Variants in FTO observed in about 807,000 individuals in gnomAD.
The protein encoded by FTO is FTO alpha-ketoglutarate dependent dioxygenase, also known as alpha-ketoglutarate-dependent dioxygenase FTO.
A neutral mutation model predicts 63.9 loss-of-function variants in FTO; 47 were observed. That is an observed-to-expected ratio of 0.74 (90% CI 0.58 to 0.94). FTO has a LOEUF of 0.94. Ranked by LOEUF, FTO falls within the 40% of genes least tolerant of loss-of-function variation. FTO has a pLI of 0.00. For synonymous variants in FTO, 207 were observed against 224.4 expected (o/e 0.92, Z 0.69); for missense variants, 562 against 618.1 (o/e 0.91, Z 0.96).
chr16:53,868,255 T>C (rs2080388085), intron 4 of FTO, among the ~76,000 whole-genome samples: 1 of 152,174 alleles, frequency 6.6e-6, no homozygotes, highest in African/African-American at 2.4e-5. Flanking sequence ...TGTCTTGTTT[T>C]TTCCCCTGTT....
At chr16:53,838,605 C>T (rs372262455) in intron 3 of FTO, among the ~76,000 whole-genome samples, 1 of 152,166 alleles carries the variant, frequency 6.6e-6, no homozygotes, top group South Asian at 2.1e-4. Flanking sequence ...ACCACCACAC[C>T]AAGCTGAGAA....
intron 8 of FTO, among the ~76,000 whole-genome samples, chr16:54,036,197 A>G (rs924887537): frequency 2.0e-5 from 3 of 152,200 alleles, no homozygotes; most frequent in South Asian, 2.1e-4. Flanking sequence ...TAAGGTTCCT[A>G]TTGGCCCTCA....
intron 8 of FTO, among the ~76,000 whole-genome samples, chr16:54,060,911 G>A (rs1044396452): frequency 6.6e-6 from 1 of 152,090 alleles, no homozygotes; most frequent in Non-Finnish European, 1.5e-5. Context: ...AAAATACTCT[G>A]GCTCAGAGAA....
intron 1 of FTO, among the ~76,000 whole-genome samples, chr16:53,769,027 A>G (rs1281332037): frequency 6.6e-6 from 1 of 152,222 alleles, no homozygotes; most frequent in East Asian, 1.9e-4. Flanking sequence ...AAGCGAGTAT[A>G]TAATTACATT....
intron 1 of FTO, among the ~76,000 whole-genome samples, chr16:53,797,175 C>T (rs1456666859): frequency 2.0e-5 from 3 of 152,216 alleles, no homozygotes; most frequent in Non-Finnish European, 4.4e-5. Flanking sequence ...TACCTCCACA[C>T]ATGCTCTGTT....
intron 8 of FTO, chr16:53,993,000 C>T (rs1190785244): frequency 2.0e-5 from 3 of 152,200 alleles, no homozygotes; most frequent in Non-Finnish European, 2.9e-5. Flanking sequence ...TTTGACCCGG[C>T]TTAGCCTGGG....
At chr16:53,769,823 G>C (rs1449221530) in intron 1 of FTO, among the ~76,000 whole-genome samples, 1 of 152,104 alleles carries the variant, frequency 6.6e-6, no homozygotes, top group African/African-American at 2.4e-5. Context: ...TTTCCTCTCT[G>C]TATTCATTTA....
intron 1 of FTO, among the ~76,000 whole-genome samples, chr16:53,793,238 A>G (rs745666777): frequency 2.6e-5 from 4 of 152,086 alleles, no homozygotes; most frequent in Non-Finnish European, 5.9e-5. Context: ...CCCTTCCCCA[A>G]AGTTTTATTT....
At chr16:53,943,628 G>A (rs148795731) in intron 8 of FTO, among the ~76,000 whole-genome samples, 2 of 152,096 alleles carry the variant, frequency 1.3e-5, no homozygotes, top group Non-Finnish European at 2.9e-5. Flanking sequence ...TTTCCTAAGC[G>A]GAACTCTGAA....
At chr16:54,075,144 T>G (rs971717517) in intron 8 of FTO, among the ~76,000 whole-genome samples, 11 of 152,316 alleles carry the variant, frequency 7.2e-5, no homozygotes, top group South Asian at 2.1e-4. Flanking sequence ...TTCTAATTGA[T>G]TCAAATATTT....
At position 53,825,929 on chromosome 16, in the gene FTO, A is replaced by G. The variant is rs964883898; in HGVS notation, c.189A>G (p.Lys63=). The part of the protein sequence containing the change: ...EASSVSEELH[K]EVQEAFLTLH... ...GCAGTGTATCTGAGGAGCTCCATAAAGAGGTTCAAGAAGCCTTTCTCACAC... is the reference window on the plus strand; with the variant it reads ...GCAGTGTATCTGAGGAGCTCCATAAGGAGGTTCAAGAAGCCTTTCTCACAC... The change falls in exon 3 of 9, where the codon AAA becomes AAG. Residue 63 remains lysine, a synonymous_variant. Coordinates refer to ENST00000471389, the MANE Select transcript of FTO (RefSeq NM_001080432.3). The G allele has an allele frequency of 1.2e-6, 2 of 1,614,148 alleles. No homozygotes were observed. The highest frequency in any genetic ancestry group is 2.7e-5 in the African/African-American group (2 of 75,026).
chr16:53,871,165 G>A (rs746044802), intron 4 of FTO, among the ~76,000 whole-genome samples: 4 of 151,840 alleles, frequency 2.6e-5, no homozygotes. Flanking sequence ...CTTAGAATTC[G>A]TTGAGCTTAT....
intron 1 of FTO, among the ~76,000 whole-genome samples, chr16:53,738,279 C>T (rs1019821945): frequency 1.3e-5 from 2 of 152,132 alleles, no homozygotes; most frequent in African/African-American, 2.4e-5. Context: ...ACCTCAGCTT[C>T]CCAAAGTGTT....
Position 53,729,509 on chromosome 16 carries a change from A to G in FTO, c.45+25280A>G, listed in dbSNP as rs557174877. Among the ~76,000 whole-genome samples the G allele has an allele frequency of 2.8e-3, 100 of 36,014 alleles. 1 individual carries two copies. In the South Asian group the frequency reaches 0.034, roughly 12 times the overall value. The allele number at this position is 36,014 out of a possible 152,430, so 23.6% of individuals were successfully genotyped here. On this transcript the variant is annotated intron_variant, in intron 1 of 8. Transcript: ENST00000471389. The stretch of plus-strand genomic sequence containing the variant: ...CAGACTGAGACTCCGTATCGGGGGG[A>G]AAAAAAAAGTAAAATGACCGTGTCA...
intron 8 of FTO, among the ~76,000 whole-genome samples, chr16:54,013,180 A>G (rs976573414): frequency 5.3e-5 from 8 of 152,170 alleles, no homozygotes; most frequent in African/African-American, 1.4e-4. Flanking sequence ...GTTGATTCCA[A>G]CCCTCACGGA....
At chr16:53,950,045 G>C (rs985946282) in intron 8 of FTO, among the ~76,000 whole-genome samples, 21 of 147,112 alleles carry the variant, frequency 1.4e-4, no homozygotes, top group African/African-American at 5.0e-4. Flanking sequence ...CTTTTTTTGG[G>C]GGGGGAAAGT....
chr16:54,057,588 C>T (rs188651356), intron 8 of FTO, among the ~76,000 whole-genome samples: 1 of 151,926 alleles, frequency 6.6e-6, no homozygotes, highest in African/African-American at 2.4e-5. Context: ...CTCAGCATCC[C>T]GAGTAGCTGG....
intron 4 of FTO, among the ~76,000 whole-genome samples, chr16:53,867,570 G>T (rs2080359681): frequency 6.6e-6 from 1 of 151,274 alleles, no homozygotes; most frequent in African/African-American, 2.4e-5. Flanking sequence ...TGAAAGTAAT[G>T]ATAACATTCT....
intron 1 of FTO, among the ~76,000 whole-genome samples, chr16:53,732,664 G>A (rs1015094730): frequency 1.3e-5 from 2 of 152,190 alleles, no homozygotes; most frequent in African/African-American, 4.8e-5. Context: ...AGAATGACCT[G>A]CTTGGCATGG....
Sources: allele counts gnomAD v4.1 joint callset (sites outside exome capture counted in the v4.1 genomes callset), GRCh38; gene constraint gnomAD v4.1.1; transcripts MANE v1.5; gene names NCBI Gene and HGNC (gene_info 2026-07-23, HGNC 2026-07-21).